TMTC2: variants seen among roughly 807,000 people sequenced by gnomAD.
The protein encoded by TMTC2 is protein O-mannosyl-transferase TMTC2.
Under a neutral mutation model 82.4 loss-of-function variants are expected in TMTC2, and 43 were observed. The observed-to-expected ratio is 0.52, with a 90% CI of 0.41 to 0.67. The LOEUF is 0.67. Ranked by LOEUF, TMTC2 falls within the 30% of genes least tolerant of loss-of-function variation. The pLI, the probability that TMTC2 is intolerant of heterozygous loss-of-function variation, is 0.00. For missense variants in TMTC2, 919 were observed against 1,012.4 expected (o/e 0.91, Z 1.25); for synonymous variants, 408 against 381.9 (o/e 1.07, Z -0.80).
chr12:82,851,463 CT>C (rs1481857117), intron 1 of TMTC2, among the ~76,000 whole-genome samples: 1 of 152,186 alleles, frequency 6.6e-6, no homozygotes, highest in Non-Finnish European at 1.5e-5. Context: ...ATGTTACATA[CT>C]CACATTATAT....
chr12:83,079,442 C>T (rs1371678860), intron 11 of TMTC2, among the ~76,000 whole-genome samples: 1 of 152,082 alleles, frequency 6.6e-6, no homozygotes, highest in Non-Finnish European at 1.5e-5. Flanking sequence ...ATTCCAGGAA[C>T]CAATGGCTGC....
intron 4 of TMTC2, among the ~76,000 whole-genome samples, chr12:82,936,560 T>G (rs1417742709): frequency 6.6e-6 from 1 of 152,108 alleles, no homozygotes; most frequent in African/African-American, 2.4e-5. Context: ...GGCTTTAGTC[T>G]AAGATTTGTG....
chr12:82,946,932 C>T (rs765680904), intron 4 of TMTC2, among the ~76,000 whole-genome samples: 4 of 151,846 alleles, frequency 2.6e-5, no homozygotes, highest in Admixed American at 6.6e-5. Flanking sequence ...TTAGTAAAGA[C>T]GGGGTTTCGC....
rs1555201360 is a variant in TMTC2 at position 82,963,834 on chromosome 12, T to TATTTCTCAC, written c.1599-1188_1599-1187insTTCTCACAT. ...ATATATATATATATATATATATATA[T>TATTTCTCAC]ATATATATATATATATGTGAAAGTG... On this transcript the variant is annotated intron_variant, in intron 4 of 11. Coordinates refer to ENST00000321196, the MANE Select transcript of TMTC2 (RefSeq NM_152588.3). 1.5e-4 allele frequency among the ~76,000 whole-genome samples: 16 copies of TATTTCTCAC among 104,230 alleles called. 1 individual carries two copies. The highest frequency in any genetic ancestry group is 7.2e-4 in the African/African-American group (13 of 17,946). The allele number at this position is 104,230 out of a possible 152,430, so 68.4% of individuals were successfully genotyped here.
At chr12:83,081,153 AC>A (rs1883452901) in intron 11 of TMTC2, among the ~76,000 whole-genome samples, 1 of 152,218 alleles carries the variant, frequency 6.6e-6, no homozygotes, top group Non-Finnish European at 1.5e-5. Flanking sequence ...AGCTTATGCA[AC>A]AATGTCTGAA....
intron 1 of TMTC2, among the ~76,000 whole-genome samples, chr12:82,769,217 A>G (rs964301174): frequency 3.3e-5 from 5 of 151,978 alleles, no homozygotes; most frequent in Non-Finnish European, 7.4e-5. Context: ...TCACTCCTGT[A>G]ATCCCAGCAC....
chr12:82,872,865 A>G (rs2137139690), intron 2 of TMTC2, among the ~76,000 whole-genome samples: 1 of 152,316 alleles, frequency 6.6e-6, no homozygotes, highest in Non-Finnish European at 1.5e-5. Context: ...TTTTTTAAAA[A>G]TTACTATTCA....
intron 1 of TMTC2, among the ~76,000 whole-genome samples, chr12:82,808,805 A>G (rs927564817): frequency 1.3e-5 from 2 of 151,948 alleles, no homozygotes; most frequent in African/African-American, 4.8e-5. Context: ...GATACATAAT[A>G]TTTTTCTATT....
At chr12:82,975,123 G>A (rs533860441) in intron 7 of TMTC2, among the ~76,000 whole-genome samples, 3 of 152,172 alleles carry the variant, frequency 2.0e-5, no homozygotes, top group East Asian at 1.9e-4. Context: ...AGGCTTTGTC[G>A]GCCTAATATC....
At chr12:82,699,057 G>A (rs960674547) in intron 1 of TMTC2, among the ~76,000 whole-genome samples, 3 of 152,132 alleles carry the variant, frequency 2.0e-5, no homozygotes, top group Non-Finnish European at 4.4e-5. Context: ...TGAAACCATG[G>A]ATAAGGGGGT....
chr12:82,992,841 A>G (rs949642567), intron 8 of TMTC2, among the ~76,000 whole-genome samples: 1 of 152,184 alleles, frequency 6.6e-6, no homozygotes, highest in Non-Finnish European at 1.5e-5. Context: ...TCATCATTAG[A>G]GCTATTTCTT....
At chr12:82,723,497 T>C (rs1874304234) in intron 1 of TMTC2, among the ~76,000 whole-genome samples, 1 of 152,142 alleles carries the variant, frequency 6.6e-6, no homozygotes, top group African/African-American at 2.4e-5. Context: ...CATCATGAGG[T>C]ACTGGGGATG....
intron 4 of TMTC2, among the ~76,000 whole-genome samples, chr12:82,935,598 A>G (rs1040927920): frequency 6.6e-6 from 1 of 152,176 alleles, no homozygotes; most frequent in Non-Finnish European, 1.5e-5. Context: ...TTTTTAGACT[A>G]AGAAAGAGTC....
At position 82,850,610 on chromosome 12, in the gene TMTC2, G is replaced by T. The variant is rs148292395; in HGVS notation, c.84-6400G>T. Among the ~76,000 whole-genome samples the T allele has an allele frequency of 2.3e-4, 35 of 152,242 alleles. 1 individual carries two copies. The highest frequency in any genetic ancestry group is 8.4e-4 in the African/African-American group (35 of 41,506). On this transcript the variant is annotated intron_variant, in intron 1 of 11. Coordinates refer to ENST00000321196, the MANE Select transcript of TMTC2 (RefSeq NM_152588.3). ...CAAGGTCCTCAAAAAGATAGGAAGA[G>T]AATGAGAAAAGTAATGAGAAGAGTA...
rs753371223 is a variant in TMTC2, at chr12:82,857,395, A to C, written c.469A>C (p.Lys157Gln). ...TCTCCTCTCCTTGCTCTGCTACATTAAACACTGTTCTACAAGAGGCTACTC... is the reference window on the plus strand; with the variant it reads ...TCTCCTCTCCTTGCTCTGCTACATTCAACACTGTTCTACAAGAGGCTACTC... Reference protein sequence around the residue: ...FFLLSLLCYIKHCSTRGYSAR... With the variant: ...FFLLSLLCYIQHCSTRGYSAR... The change falls in exon 2 of 12, where the codon AAA (lysine) becomes CAA (glutamine). Residue 157 changes from lysine to glutamine, a missense_variant. Physicochemically the swap from Lys to Gln is moderately conservative, Grantham distance 53. Transcript: ENST00000321196. 2 of 1,614,116 alleles carry C rather than the reference A, an allele frequency of 1.2e-6. No homozygotes were observed.
At chr12:82,965,179 C>A in intron 5 of TMTC2, 70 bp downstream of exon 5, 2 of 1,180,448 alleles carry the variant, frequency 1.7e-6, no homozygotes, top group Non-Finnish European at 2.5e-6. Context: ...TAATTTACAG[C>A]CTCACTGAGA....
chr12:82,919,267 A>G (rs1228159157), intron 3 of TMTC2, among the ~76,000 whole-genome samples: 1 of 152,224 alleles, frequency 6.6e-6, no homozygotes, highest in Non-Finnish European at 1.5e-5. Context: ...CCACTCATGT[A>G]TTAACATTAA....
At chr12:83,014,108 T>C (rs1880570868) in intron 8 of TMTC2, among the ~76,000 whole-genome samples, 1 of 152,216 alleles carries the variant, frequency 6.6e-6, no homozygotes, top group Non-Finnish European at 1.5e-5. Flanking sequence ...TGAAGTTCTT[T>C]TAGATTACAA....
intron 1 of TMTC2, among the ~76,000 whole-genome samples, chr12:82,842,238 ATG>A (rs1489116142): frequency 6.6e-6 from 1 of 152,220 alleles, no homozygotes; most frequent in African/African-American, 2.4e-5. Flanking sequence ...TTGAGATAAT[ATG>A]TGTGCTTTGT....
Sources: allele counts gnomAD v4.1 joint callset (sites outside exome capture counted in the v4.1 genomes callset), GRCh38; gene constraint gnomAD v4.1.1; transcripts MANE v1.5; gene names NCBI Gene and HGNC (gene_info 2026-07-23, HGNC 2026-07-21).